Variants in FMN2 observed in about 807,000 individuals in gnomAD.
FMN2 encodes the protein formin 2.
FMN2 carries 51 observed loss-of-function variants against 142.3 expected under a neutral mutation model. The ratio of observed to expected loss-of-function variants is 0.36; its 90% CI spans 0.29 to 0.45. The LOEUF is 0.45. Ranked by LOEUF, FMN2 falls within the 20% of genes least tolerant of loss-of-function variation. The pLI, the probability that FMN2 is intolerant of heterozygous loss-of-function variation, is 1.00. For missense variants in FMN2, 1,936 were observed against 2,122.8 expected, an observed-to-expected ratio of 0.91 and a Z score of 1.73; for synonymous variants, 882 against 869.8, an observed-to-expected ratio of 1.01 and a Z score of -0.25.
chr1:240,187,075 G>A (rs184839126), intron 3 of FMN2, among the ~76,000 whole-genome samples: 3 of 148,646 alleles, frequency 2.0e-5, no homozygotes, highest in Admixed American at 1.3e-4. Flanking sequence ...GACCAGCCTG[G>A]CCAACATGGT....
intron 2 of FMN2, among the ~76,000 whole-genome samples, chr1:240,147,345 G>A: frequency 6.6e-6 from 1 of 152,072 alleles, no homozygotes; most frequent in Admixed American, 6.5e-5. Flanking sequence ...ACCCTCCATA[G>A]CCAATCTGTT....
intron 7 of FMN2, among the ~76,000 whole-genome samples, chr1:240,263,777 C>T (rs1007699235): frequency 1.3e-5 from 2 of 152,104 alleles, no homozygotes. Context: ...GTTAAACTTA[C>T]GGAAACACGT....
At chr1:240,232,136 C>T (rs1377683345) in intron 6 of FMN2, among the ~76,000 whole-genome samples, 1 of 151,916 alleles carries the variant, frequency 6.6e-6, no homozygotes, top group Non-Finnish European at 1.5e-5. Context: ...ATGATGCGAT[C>T]TCAGCTCACT....
At chr1:240,290,357 C>G (rs145068212) in intron 7 of FMN2, among the ~76,000 whole-genome samples, 2 of 151,992 alleles carry the variant, frequency 1.3e-5, no homozygotes, top group Admixed American at 6.6e-5. Context: ...AAGTTCGTAC[C>G]GGAGGAGTTC....
intron 6 of FMN2, among the ~76,000 whole-genome samples, chr1:240,245,095 C>G (rs529963229): frequency 1.1e-4 from 16 of 152,232 alleles, no homozygotes; most frequent in African/African-American, 3.6e-4. Context: ...GAAGTGGCTC[C>G]TAAGTCAGCT....
intron 13 of FMN2, among the ~76,000 whole-genome samples, chr1:240,335,869 C>A (rs1671536761): frequency 1.3e-5 from 2 of 152,150 alleles, no homozygotes; most frequent in Admixed American, 1.3e-4. Context: ...GCCGGCCAGG[C>A]ATGGTGGCTC....
At chr1:240,373,497 T>G (rs1055218191) in intron 14 of FMN2, among the ~76,000 whole-genome samples, 1 of 152,222 alleles carries the variant, frequency 6.6e-6, no homozygotes, top group African/African-American at 2.4e-5. Context: ...TCAACTAAAT[T>G]TGACTTTCTA....
chr1:240,149,741 A>C (rs1304338894), intron 2 of FMN2, among the ~76,000 whole-genome samples: 1 of 152,230 alleles, frequency 6.6e-6, no homozygotes, highest in East Asian at 1.9e-4. Context: ...TCCAAATATA[A>C]GGAGTTACAG....
intron 16 of FMN2, among the ~76,000 whole-genome samples, chr1:240,439,451 A>G (rs1049153063): frequency 6.6e-6 from 1 of 152,306 alleles, no homozygotes; most frequent in South Asian, 2.1e-4. Flanking sequence ...TAGATGAATT[A>G]ATTGGTTACA....
At chr1:240,382,620 C>T (rs144518033) in intron 14 of FMN2, among the ~76,000 whole-genome samples, 245 of 152,084 alleles carry the variant, frequency 1.6e-3, no homozygotes, top group African/African-American at 5.5e-3. Context: ...GAGATCGTGC[C>T]ACTGCACTCC....
chr1:240,263,862 G>A (rs780475454), intron 7 of FMN2, among the ~76,000 whole-genome samples: 1 of 152,040 alleles, frequency 6.6e-6, no homozygotes, highest in African/African-American at 2.4e-5. Context: ...TATATGTCCT[G>A]TCTAAAGCTA....
chr1:240,186,660 G>A (rs1489276281), intron 3 of FMN2, among the ~76,000 whole-genome samples: 1 of 152,154 alleles, frequency 6.6e-6, no homozygotes, highest in Non-Finnish European at 1.5e-5. Context: ...AGTAGCCACT[G>A]TGGCTTTGGC....
chr1:240,162,293 AT>A (rs1664312281), intron 2 of FMN2, among the ~76,000 whole-genome samples: 1 of 152,020 alleles, frequency 6.6e-6, no homozygotes, highest in Non-Finnish European at 1.5e-5. Context: ...GTGAAACCCC[AT>A]CTCTACTAAA....
chr1:240,419,434 G>T (rs1414525983), intron 15 of FMN2, among the ~76,000 whole-genome samples: 1 of 152,084 alleles, frequency 6.6e-6, no homozygotes, highest in Non-Finnish European at 1.5e-5. Context: ...AAGTGTGAGG[G>T]TTATTCCTCA....
intron 1 of FMN2, among the ~76,000 whole-genome samples, chr1:240,118,055 T>C (rs1343313619): frequency 6.6e-6 from 1 of 152,098 alleles, no homozygotes. Context: ...AAGAAGAGTG[T>C]TCTAGTGCAA....
intron 4 of FMN2, 25 bp downstream of exon 4, chr1:240,188,287 A>G: frequency 6.2e-7 from 1 of 1,607,802 alleles, no homozygotes; most frequent in Non-Finnish European, 8.5e-7. Context: ...TTAGGATGTC[A>G]GATTCCCATC....
At chr1:240,145,215 C>G (rs1168940618) in intron 2 of FMN2, 1 of 1,437,470 alleles carries the variant, frequency 7.0e-7, no homozygotes, top group African/African-American at 1.4e-5. Context: ...TCCAGTTCAT[C>G]TTGAAGCTGT....
At chr1:240,462,700 A>G (rs775096390) in intron 16 of FMN2, among the ~76,000 whole-genome samples, 2 of 152,230 alleles carry the variant, frequency 1.3e-5, no homozygotes, top group Non-Finnish European at 2.9e-5. Flanking sequence ...TGCCCTGGAA[A>G]TATAAAGATG....
chr1:240,240,913 A>G (rs2102867392), intron 6 of FMN2, among the ~76,000 whole-genome samples: 1 of 152,366 alleles, frequency 6.6e-6, no homozygotes, highest in South Asian at 2.1e-4. Flanking sequence ...TAGACTGGCA[A>G]AAAGATATGT....
Sources: gnomAD v4.1 joint callset for allele counts (sites outside exome capture counted in the v4.1 genomes callset) on GRCh38, gnomAD v4.1.1 for gene constraint, MANE v1.5 for transcripts, NCBI Gene and HGNC (gene_info 2026-07-23, HGNC 2026-07-21) for gene names.